SLC25A17: variants seen among roughly 807,000 people sequenced by gnomAD.
SLC25A17 encodes peroxisomal membrane protein PMP34.
In SLC25A17, 26 loss-of-function variants were observed where a neutral mutation model predicts 38.5. The ratio of observed to expected loss-of-function variants is 0.68; its 90% confidence interval spans 0.50 to 0.94. The LOEUF (loss-of-function observed/expected upper bound fraction) is 0.94. SLC25A17 is among the 40% of genes least tolerant of loss of function. SLC25A17 has a pLI of 0.00. For synonymous variants in SLC25A17, 139 were observed against 136.2 expected (o/e 1.02, Z -0.14); for missense variants, 333 against 372.7 (o/e 0.89, Z 0.88).
chr22:40,803,675 T>C lies in SLC25A17; in HGVS notation c.55-4592A>G, dbSNP rs139792963. On this transcript the variant is annotated intron_variant, in intron 1 of 8. Coordinates refer to ENST00000435456, the MANE Select transcript of SLC25A17 (RefSeq NM_006358.4). ...TTTGGATATATACCCAGTAATGGGA[T>C]TGCTGGATCATATGGTAGTTCTATT... 6.9e-3 allele frequency among the ~76,000 whole-genome samples: 1,045 copies of C among 152,344 alleles called. 11 individuals carry two copies. The highest frequency in any genetic ancestry group is 0.022 in the East Asian group (114 of 5,190).
intron 1 of SLC25A17, among the ~76,000 whole-genome samples, chr22:40,809,213 C>T (rs1238865857): frequency 3.3e-5 from 5 of 151,768 alleles, no homozygotes; most frequent in East Asian, 1.9e-4. Flanking sequence ...ATATCTTGGC[C>T]GGGCTCAGTG....
chr22:40,787,462 G>A (rs1406977057), intron 4 of SLC25A17, among the ~76,000 whole-genome samples: 1 of 152,284 alleles, frequency 6.6e-6, no homozygotes, highest in Non-Finnish European at 1.5e-5. Flanking sequence ...CCTGTTACAA[G>A]GGCTCAGCGT....
At chr22:40,783,011 A>C (rs756287354) in intron 4 of SLC25A17, among the ~76,000 whole-genome samples, 2 of 152,216 alleles carry the variant, frequency 1.3e-5, no homozygotes, top group Non-Finnish European at 2.9e-5. Context: ...GATACAACTC[A>C]TTTCTACAGT....
chr22:40,781,339 C>G (rs1006769082), intron 4 of SLC25A17, among the ~76,000 whole-genome samples: 4 of 151,872 alleles, frequency 2.6e-5, no homozygotes, highest in Non-Finnish European at 5.9e-5. Context: ...TCCGCCTCCC[C>G]GGCTCACACC....
chr22:40,784,740 C>T (rs753489487), intron 4 of SLC25A17: 1 of 139,660 alleles, frequency 7.2e-6, no homozygotes, highest in African/African-American at 2.7e-5. Flanking sequence ...CACCACTGTA[C>T]TCCAGTGCCC....
intron 8 of SLC25A17, 95 bp from the exon 9 acceptor site, chr22:40,771,076 G>A: frequency 1.8e-6 from 2 of 1,090,046 alleles, no homozygotes; most frequent in South Asian, 4.3e-5. Context: ...AGCAATAGAG[G>A]TTTTAGATTT....
intron 4 of SLC25A17, among the ~76,000 whole-genome samples, chr22:40,785,881 C>T (rs1817677533): frequency 6.6e-6 from 1 of 151,992 alleles, no homozygotes; most frequent in Non-Finnish European, 1.5e-5. Context: ...GCGATTCTCT[C>T]ACCTTAGCCT....
chr22:40,814,346 C>A (rs2057612952), intron 1 of SLC25A17, among the ~76,000 whole-genome samples: 1 of 152,168 alleles, frequency 6.6e-6, no homozygotes, highest in Non-Finnish European at 1.5e-5. Flanking sequence ...ATGATGAAAC[C>A]AGGATACTTG....
At chr22:40,792,727 T>C (rs1366024838) in intron 3 of SLC25A17, 51 bp from the exon 4 acceptor site, 22 of 1,594,982 alleles carry the variant, frequency 1.4e-5, no homozygotes, top group Non-Finnish European at 1.9e-5. Context: ...AAATTAGAAA[T>C]TGGCAGAGAA....
chr22:40,780,562 A>C (rs990109857), intron 4 of SLC25A17, among the ~76,000 whole-genome samples: 4 of 152,218 alleles, frequency 2.6e-5, no homozygotes, highest in Non-Finnish European at 2.9e-5. Context: ...ATGTATTCCT[A>C]TTCAATGCAA....
chr22:40,778,978 T>A, intron 5 of SLC25A17, 31 bp downstream of exon 5: 1 of 1,574,084 alleles, frequency 6.4e-7, no homozygotes, highest in Non-Finnish European at 8.7e-7. Context: ...AAGAAAACCC[T>A]TAAATAGGAA....
chr22:40,773,894 T>C, intron 8 of SLC25A17, 43 bp downstream of exon 8: 1 of 1,339,582 alleles, frequency 7.5e-7, no homozygotes. Flanking sequence ...CAGAGATGGC[T>C]GCTGAAGGAG....
chr22:40,784,299 A>G (rs1459871117), intron 4 of SLC25A17, among the ~76,000 whole-genome samples: 1 of 152,134 alleles, frequency 6.6e-6, no homozygotes, highest in Admixed American at 6.6e-5. Context: ...GTCCAAGCGA[A>G]CTAGGCCAGG....
intron 4 of SLC25A17, chr22:40,784,490 C>A: frequency 5.9e-6 from 1 of 170,570 alleles, no homozygotes; most frequent in South Asian, 1.2e-4. Flanking sequence ...AATAAATATT[C>A]AGCTGGGAGC....
chr22:40,794,559 T>C lies in SLC25A17; in HGVS notation c.137A>G (p.Lys46Arg), dbSNP rs1483255246. ...RLQVDEKRKS[K>R]TTHMVLLEII... Reference sequence around the variant, plus strand: ...CTCCAGGAGCACCATGTGTGTAGTTTTGGATTTTCTTTTCTCATCAACTAC... The same window carrying C: ...CTCCAGGAGCACCATGTGTGTAGTTCTGGATTTTCTTTTCTCATCAACTAC... Residue 46 changes from lysine to arginine, a missense_variant, in exon 3 of 9, where the codon AAA becomes AGA. Physicochemically the swap from Lys to Arg is conservative, Grantham distance 26. Transcript: ENST00000435456. 26 of 1,610,850 alleles carry C rather than the reference T, an allele frequency of 1.6e-5. No individual in the cohort carries two copies. The highest frequency in any genetic ancestry group is 2.0e-5 in the Non-Finnish European group (24 of 1,177,388).
chr22:40,774,154 T>A, intron 7 of SLC25A17, 135 bp from the exon 8 acceptor site: 1 of 556,868 alleles, frequency 1.8e-6, no homozygotes, highest in Non-Finnish European at 3.2e-6. Flanking sequence ...GTACCATAGA[T>A]TTCATTAATC....
rs1211298510 is a variant in SLC25A17 at position 40,801,507 on chromosome 22, C to T, written c.55-2424G>A. Among the ~76,000 whole-genome samples, 10 of 151,990 alleles carry T rather than the reference C, an allele frequency of 6.6e-5. 1 individual carries two copies. The highest frequency in any genetic ancestry group is 2.4e-4 in the African/African-American group (10 of 41,398). On this transcript the variant is annotated intron_variant, in intron 1 of 8. Transcript: ENST00000435456. ...TTCACTGTACTTTCACTTATTTATG[C>T]TTTTTTGATGACCCCAACATAACTG... is the stretch of plus-strand genomic sequence containing the variant.
At chr22:40,809,931 A>C (rs2057564139) in intron 1 of SLC25A17, among the ~76,000 whole-genome samples, 1 of 152,284 alleles carries the variant, frequency 6.6e-6, no homozygotes, top group African/African-American at 2.4e-5. Flanking sequence ...ACCTCCAGGA[A>C]GCTATATATT....
At chr22:40,778,351 G>A (rs1386961241) in intron 5 of SLC25A17, among the ~76,000 whole-genome samples, 1 of 152,188 alleles carries the variant, frequency 6.6e-6, no homozygotes, top group Non-Finnish European at 1.5e-5. Flanking sequence ...CAACAGGGTT[G>A]AAAGGTGTTT....
Sources: gnomAD v4.1 joint callset for allele counts (sites outside exome capture counted in the v4.1 genomes callset) on GRCh38, gnomAD v4.1.1 for gene constraint, MANE v1.5 for transcripts, NCBI Gene and HGNC (gene_info 2026-07-23, HGNC 2026-07-21) for gene names.